Variants in ADAMTSL1 observed in about 807,000 individuals in gnomAD.
The protein encoded by ADAMTSL1 is ADAMTS like 1.
A neutral mutation model predicts 201.8 loss-of-function variants in ADAMTSL1; 126 were observed. The observed-to-expected ratio is 0.62, with a 90% CI of 0.54 to 0.72. The LOEUF is 0.72. Among genes scored for constraint, ADAMTSL1 ranks in the 30% least tolerant of loss-of-function variants. The pLI is 0.00. For missense variants in ADAMTSL1, 2,679 were observed against 2,277.8 expected, an observed-to-expected ratio of 1.18 and a Z score of -3.59; for synonymous variants, 1,121 against 903.4, an observed-to-expected ratio of 1.24 and a Z score of -4.32.
At chr9:18,885,824 G>T (rs1463362368) in intron 23 of ADAMTSL1, among the ~76,000 whole-genome samples, 1 of 152,060 alleles carries the variant, frequency 6.6e-6, no homozygotes, top group East Asian at 1.9e-4. Context: ...TAGCAGGTAT[G>T]GGGGAAAGAA....
At chr9:18,526,297 C>G (rs768738600) in intron 2 of ADAMTSL1, among the ~76,000 whole-genome samples, 1 of 152,184 alleles carries the variant, frequency 6.6e-6, no homozygotes, top group African/African-American at 2.4e-5. Flanking sequence ...CCGCGTAGAT[C>G]TTCCTCCATC....
intron 1 of ADAMTSL1, among the ~76,000 whole-genome samples, chr9:17,957,496 C>T (rs1029121781): frequency 2.0e-5 from 3 of 152,164 alleles, no homozygotes; most frequent in African/African-American, 7.2e-5. Context: ...ATGATCTCTA[C>T]TGCTTCAGCT....
chr9:18,218,295 A>C (rs1943116123), intron 2 of ADAMTSL1, among the ~76,000 whole-genome samples: 2 of 152,206 alleles, frequency 1.3e-5, no homozygotes, highest in Non-Finnish European at 2.9e-5. Context: ...ACTCATGGAC[A>C]TGATTTAGCT....
chr9:17,986,075 C>A (rs1232416626), intron 1 of ADAMTSL1, among the ~76,000 whole-genome samples: 2 of 152,120 alleles, frequency 1.3e-5, no homozygotes, highest in African/African-American at 4.8e-5. Flanking sequence ...GTGGGAGCAA[C>A]TGGCCAACAA....
At chr9:18,792,797 G>A (rs1822141077) in intron 19 of ADAMTSL1, among the ~76,000 whole-genome samples, 1 of 152,176 alleles carries the variant, frequency 6.6e-6, no homozygotes, top group South Asian at 2.1e-4. Context: ...ATTCCTTCAG[G>A]AAACAGTCAT....
At chr9:18,241,050 C>A (rs1181504740) in intron 2 of ADAMTSL1, among the ~76,000 whole-genome samples, 1 of 152,130 alleles carries the variant, frequency 6.6e-6, no homozygotes, top group African/African-American at 2.4e-5. Context: ...CTTTCCATAT[C>A]GTCATTATGG....
chr9:18,577,076 C>T (rs1363173129), intron 4 of ADAMTSL1, among the ~76,000 whole-genome samples: 2 of 152,200 alleles, frequency 1.3e-5, no homozygotes, highest in Non-Finnish European at 1.5e-5. Flanking sequence ...CTCTTAAGAC[C>T]TGTCTTCCAG....
intron 1 of ADAMTSL1, among the ~76,000 whole-genome samples, chr9:18,106,444 A>G (rs1244107403): frequency 6.6e-6 from 1 of 152,194 alleles, no homozygotes; most frequent in Non-Finnish European, 1.5e-5. Context: ...CCCTGAGGCC[A>G]TGGGTTTTTC....
At chr9:18,036,929 A>G (rs1821225158) in intron 1 of ADAMTSL1, among the ~76,000 whole-genome samples, 1 of 152,136 alleles carries the variant, frequency 6.6e-6, no homozygotes, top group African/African-American at 2.4e-5. Context: ...TCACTATTAC[A>G]TGGTATTATT....
intron 1 of ADAMTSL1, among the ~76,000 whole-genome samples, chr9:18,162,255 A>T (rs1279686323): frequency 6.6e-6 from 1 of 151,960 alleles, no homozygotes. Flanking sequence ...TTACACTTTA[A>T]ATCTCTTTGA....
chr9:18,088,219 C>T (rs572441229), intron 1 of ADAMTSL1, among the ~76,000 whole-genome samples: 4 of 152,240 alleles, frequency 2.6e-5, no homozygotes, highest in East Asian at 1.9e-4. Flanking sequence ...GAAATTGTAT[C>T]TCTATCTTCA....
At chr9:18,906,331 T>G (rs1830309375) in intron 27 of ADAMTSL1, among the ~76,000 whole-genome samples, 1 of 152,126 alleles carries the variant, frequency 6.6e-6, no homozygotes, top group Non-Finnish European at 1.5e-5. Context: ...GTCCCCATCC[T>G]TATGACACTT....
chr9:18,381,718 C>A (rs1213461841), intron 2 of ADAMTSL1, among the ~76,000 whole-genome samples: 1 of 151,818 alleles, frequency 6.6e-6, no homozygotes, highest in Non-Finnish European at 1.5e-5. Flanking sequence ...TGTAAAGAAG[C>A]AGGGAAAGAA....
intron 23 of ADAMTSL1, among the ~76,000 whole-genome samples, chr9:18,868,652 T>C (rs898186029): frequency 1.3e-5 from 2 of 152,202 alleles, no homozygotes; most frequent in African/African-American, 4.8e-5. Flanking sequence ...CACAGCTTCC[T>C]GGTTGCTCTT....
Position 18,896,732 on chromosome 9 carries a change from A to T in ADAMTSL1, c.4851+4136A>T, listed in dbSNP as rs150616551. Reference sequence around the variant, plus strand: ...TACATATCTTTGCAATCAGTGGATCAGGAGATCCCCTAGTGAGCCAATGCA... The same window carrying T: ...TACATATCTTTGCAATCAGTGGATCTGGAGATCCCCTAGTGAGCCAATGCA... On this transcript the variant is annotated intron_variant, in intron 26 of 28. Transcript: ENST00000380548. 5.8e-3 allele frequency among the ~76,000 whole-genome samples: 885 copies of T among 152,320 alleles called. 14 individuals carry two copies. Among genetic ancestry groups the T allele is most frequent in the Admixed American group, 0.046 (701 of 15,306 alleles).
rs771405649 is a variant in ADAMTSL1 at position 18,312,375 on chromosome 9, G to A, written c.207+148394G>A. On this transcript the variant is annotated intron_variant, in intron 2 of 29. Coordinates refer to the ADAMTSL1 transcript ENST00000680146. The stretch of plus-strand genomic sequence containing the variant: ...TGATTTTATATCCACTGTTGGATGG[G>A]TATTAAGTGCCACATCGTTGTATCT... Among the ~76,000 whole-genome samples, 18 of 152,296 alleles carry A rather than the reference G, an allele frequency of 1.2e-4. 1 individual carries two copies. Among genetic ancestry groups the A allele is most frequent in the Admixed American group, 1.3e-4 (2 of 15,306 alleles).
intron 1 of ADAMTSL1, among the ~76,000 whole-genome samples, chr9:17,967,306 G>A (rs1267734924): frequency 6.6e-6 from 1 of 151,986 alleles, no homozygotes. Flanking sequence ...TTGTACTCCT[G>A]CCACATTATT....
rs1006991289 is a variant in ADAMTSL1 at position 17,959,757 on chromosome 9, T to C, written c.87+52835T>C. On this transcript the variant is annotated intron_variant, in intron 1 of 29. Coordinates refer to the ADAMTSL1 transcript ENST00000680146. ...AGGAGCAAGCCACTGCACTCAGCCT[T>C]GACATTTTTTAGAAAAGTATATTTT... Among the ~76,000 whole-genome samples the C allele has an allele frequency of 2.6e-5, 4 of 152,304 alleles. No individual in the cohort carries two copies. The South Asian group carries it at 8.3e-4, about 32-fold the overall frequency.
chr9:18,091,623 T>A (rs1824020754), intron 1 of ADAMTSL1, among the ~76,000 whole-genome samples: 1 of 152,214 alleles, frequency 6.6e-6, no homozygotes, highest in Admixed American at 6.5e-5. Flanking sequence ...CATTTAGCTG[T>A]GTATCCTTGT....
Sources: allele counts gnomAD v4.1 joint callset (sites outside exome capture counted in the v4.1 genomes callset), GRCh38; gene constraint gnomAD v4.1.1; transcripts MANE v1.5; gene names NCBI Gene and HGNC (gene_info 2026-07-23, HGNC 2026-07-21).